The following CHRM3 variants were observed in gnomAD, a reference collection of about 807,000 sequenced individuals.
The protein encoded by CHRM3 is muscarinic acetylcholine receptor M3.
CHRM3 carries 11 observed loss-of-function variants against 41.8 expected under a neutral mutation model. The ratio of observed to expected loss-of-function variants is 0.26; its 90% confidence interval spans 0.17 to 0.44. The LOEUF (loss-of-function observed/expected upper bound fraction) is 0.44. CHRM3 is among the 20% of genes least tolerant of loss of function. CHRM3 has a pLI of 1.00. For synonymous variants in CHRM3, 297 were observed against 301.4 expected (o/e 0.99, Z 0.15); for missense variants, 571 against 745.4 (o/e 0.77, Z 2.72).
intron 3 of CHRM3, among the ~76,000 whole-genome samples, chr1:239,620,914 G>A (rs1408641418): frequency 6.6e-6 from 1 of 151,968 alleles, no homozygotes; most frequent in African/African-American, 2.4e-5. Flanking sequence ...AAAAGAAATG[G>A]GTAGAGACAT....
chr1:239,523,901 A>C (rs1448311598), intron 2 of CHRM3, among the ~76,000 whole-genome samples: 1 of 152,230 alleles, frequency 6.6e-6, no homozygotes, highest in Non-Finnish European at 1.5e-5. Flanking sequence ...TGAATAAATT[A>C]AATAATAAAT....
At chr1:239,479,190 C>CCACATACACACA (rs71567247) in intron 1 of CHRM3, among the ~76,000 whole-genome samples, 34 of 139,988 alleles carry the variant, frequency 2.4e-4, no homozygotes, top group African/African-American at 7.3e-4. Flanking sequence ...TTTCAAAAAA[C>CCACATACACACA]CACACACACA....
intron 2 of CHRM3, among the ~76,000 whole-genome samples, chr1:239,494,818 T>C (rs142508340): frequency 0.016 from 2,379 of 152,234 alleles, 52 homozygotes; most frequent in Middle Eastern, 0.051. Context: ...TGTTCCTGCA[T>C]TAGTTTGCTG....
chr1:239,469,681 G>A (rs1043354801), intron 1 of CHRM3, among the ~76,000 whole-genome samples: 12 of 152,016 alleles, frequency 7.9e-5, no homozygotes, highest in Middle Eastern at 3.4e-3. Flanking sequence ...CTCAGCCTCC[G>A]GAGTAGCTGG....
intron 5 of CHRM3, chr1:239,720,273 A>G (rs1662830258): frequency 6.6e-6 from 1 of 151,976 alleles, no homozygotes; most frequent in African/African-American, 2.4e-5. Context: ...GAATATAAGT[A>G]TATGTTTTTC....
At chr1:239,533,357 C>CTT (rs1486798280) in intron 2 of CHRM3, among the ~76,000 whole-genome samples, 2 of 145,726 alleles carry the variant, frequency 1.4e-5, no homozygotes, top group Non-Finnish European at 2.9e-5. Context: ...CCTCAGGAAA[C>CTT]TTACAATCAT....
At chr1:239,464,339 G>A (rs1411939899) in intron 1 of CHRM3, among the ~76,000 whole-genome samples, 1 of 145,512 alleles carries the variant, frequency 6.9e-6, no homozygotes, top group Non-Finnish European at 1.5e-5. Flanking sequence ...TAGAATCTAA[G>A]AACATATGTA....
intron 5 of CHRM3, among the ~76,000 whole-genome samples, chr1:239,682,819 A>G (rs1482856897): frequency 2.0e-5 from 3 of 152,134 alleles, no homozygotes; most frequent in Non-Finnish European, 2.9e-5. Flanking sequence ...ATTTTTTTGT[A>G]TCTGTTATTT....
At chr1:239,644,639 G>A (rs1189781261) in intron 4 of CHRM3, among the ~76,000 whole-genome samples, 1 of 152,164 alleles carries the variant, frequency 6.6e-6, no homozygotes, top group Non-Finnish European at 1.5e-5. Flanking sequence ...CTTGGAGAGG[G>A]TTGTGATGAG....
intron 1 of CHRM3, among the ~76,000 whole-genome samples, chr1:239,411,261 G>T (rs1246225605): frequency 2.0e-5 from 3 of 152,128 alleles, no homozygotes; most frequent in African/African-American, 7.2e-5. Flanking sequence ...TCAGGATTTT[G>T]CTTGGCCTCC....
chr1:239,670,670 G>A (rs1047594010), intron 4 of CHRM3, among the ~76,000 whole-genome samples: 2 of 152,078 alleles, frequency 1.3e-5, no homozygotes, highest in Non-Finnish European at 2.9e-5. Context: ...TGGGATTACA[G>A]GCGTGCTCCA....
chr1:239,651,191 A>G (rs1027374703), intron 4 of CHRM3, among the ~76,000 whole-genome samples: 1 of 152,180 alleles, frequency 6.6e-6, no homozygotes, highest in African/African-American at 2.4e-5. Context: ...TTCTTTATAA[A>G]CAAATTTAAT....
At chr1:239,869,024 T>C (rs1276800518) in intron 6 of CHRM3, among the ~76,000 whole-genome samples, 1 of 152,142 alleles carries the variant, frequency 6.6e-6, no homozygotes, top group Non-Finnish European at 1.5e-5. Flanking sequence ...GAGTGTACTC[T>C]TAGGAGCTGA....
intron 6 of CHRM3, among the ~76,000 whole-genome samples, chr1:239,867,865 G>T (rs950905728): frequency 6.6e-6 from 1 of 152,156 alleles, no homozygotes; most frequent in East Asian, 1.9e-4. Context: ...CTTGGACTGA[G>T]TATGTAACTG....
chr1:239,766,103 C>T (rs759835425), intron 5 of CHRM3, among the ~76,000 whole-genome samples: 54 of 152,096 alleles, frequency 3.6e-4, no homozygotes, highest in Admixed American at 3.3e-3. Flanking sequence ...CATGAGACAC[C>T]GCGCCCGGCC....
At chr1:239,719,477 G>C (rs1357012294) in intron 5 of CHRM3, 2 of 151,894 alleles carry the variant, frequency 1.3e-5, no homozygotes. Flanking sequence ...ATTTATCCTT[G>C]GATTAGACTC....
At chr1:239,658,513 G>A (rs1672912496) in intron 4 of CHRM3, among the ~76,000 whole-genome samples, 1 of 152,070 alleles carries the variant, frequency 6.6e-6, no homozygotes, top group Admixed American at 6.6e-5. Context: ...CTTAGCAGTT[G>A]GTTATATTGT....
intron 1 of CHRM3, among the ~76,000 whole-genome samples, chr1:239,415,613 T>C (rs1162676192): frequency 6.6e-6 from 1 of 152,168 alleles, no homozygotes; most frequent in Non-Finnish European, 1.5e-5. Flanking sequence ...TTAACATAGC[T>C]AAAGGTGTAT....
At chr1:239,605,432 GT>G (rs1399387400) in intron 3 of CHRM3, among the ~76,000 whole-genome samples, 1 of 152,122 alleles carries the variant, frequency 6.6e-6, no homozygotes, top group Non-Finnish European at 1.5e-5. Context: ...CACCATCTAG[GT>G]TTGCATAAAT....
Sources: allele counts gnomAD v4.1 joint callset (sites outside exome capture counted in the v4.1 genomes callset), GRCh38; gene constraint gnomAD v4.1.1; transcripts MANE v1.5; gene names NCBI Gene and HGNC (gene_info 2026-07-23, HGNC 2026-07-21).